ADTRP: variants seen among roughly 807,000 people sequenced by gnomAD.
The protein encoded by ADTRP is androgen dependent TFPI regulating protein.
Under a neutral mutation model 27.0 loss-of-function variants are expected in ADTRP, and 20 were observed. That is an observed-to-expected ratio of 0.74 (90% CI 0.52 to 1.08). The LOEUF (loss-of-function observed/expected upper bound fraction) is 1.08, where lower values mean the gene tolerates loss of function less well. Ranked by LOEUF, ADTRP falls within the 50% of genes least tolerant of loss-of-function variation. ADTRP has a pLI of 0.00. For missense variants in ADTRP, 251 were observed against 275.0 expected, an observed-to-expected ratio of 0.91 and a Z score of 0.62; for synonymous variants, 101 against 105.2, an observed-to-expected ratio of 0.96 and a Z score of 0.25.
chr6:11,741,265 G>T (rs1263013138), intron 3 of ADTRP, among the ~76,000 whole-genome samples: 3 of 152,208 alleles, frequency 2.0e-5, no homozygotes, highest in Non-Finnish European at 4.4e-5. Context: ...TGAATAAATG[G>T]ATGCACAGGT....
chr6:11,717,523 A>G, intron 5 of ADTRP: 1 of 1,145,470 alleles, frequency 8.7e-7, no homozygotes, highest in Non-Finnish European at 1.1e-6. Context: ...AAATAAAAAC[A>G]TAGTATTCTC....
At position 11,715,648 on chromosome 6, in the gene ADTRP, CTTTTTTTT is replaced by C. The variant is rs55815652; in HGVS notation, c.659-1144_659-1137del. On this transcript the variant is annotated intron_variant, in intron 5 of 5. Transcript: ENST00000414691. ...CTACTTCTTTCTCTTCTGTTTTTCCCTTTTTTTTTTTTTTTTTTTTTTGAGACAAGGTC... is the reference window on the plus strand; with the variant it reads ...CTACTTCTTTCTCTTCTGTTTTTCCCTTTTTTTTTTTTTTGAGACAAGGTC... 9.5e-4 allele frequency among the ~76,000 whole-genome samples: 115 copies of C among 121,138 alleles called. No homozygotes were observed. In the East Asian group the frequency reaches 0.015, roughly 16 times the overall value. The allele number at this position is 121,138 out of a possible 152,430, so 79.5% of individuals were successfully genotyped here.
At position 11,768,403 on chromosome 6, in the gene ADTRP, T is replaced by A. The variant is rs1270459966; in HGVS notation, c.154-20A>T. The A allele has an allele frequency of 6.2e-7, 1 of 1,613,266 alleles. No homozygotes were observed. Among genetic ancestry groups the A allele is most frequent in the East Asian group, 2.2e-5 (1 of 44,862 alleles). ...CAAGAGCTAAATCCATTACAACAAA[T>A]GAGGGCATTTTCATTTACTTTAATT... On this transcript the variant is annotated intron_variant, in intron 1 of 5. Coordinates refer to ENST00000414691, the MANE Select transcript of ADTRP (RefSeq NM_032744.4).
intron 3 of ADTRP, among the ~76,000 whole-genome samples, chr6:11,739,964 A>C (rs1762667673): frequency 6.6e-6 from 1 of 152,192 alleles, no homozygotes; most frequent in Non-Finnish European, 1.5e-5. Flanking sequence ...CATATTGCAA[A>C]ATCAGATGAT....
At chr6:11,765,319 G>GTT (rs770169717) in intron 3 of ADTRP, among the ~76,000 whole-genome samples, 30,866 of 109,238 alleles carry the variant, frequency 0.28, 4,892 homozygotes, top group Non-Finnish European at 0.33. Flanking sequence ...CTTTCCCCTG[G>GTT]TTTGTTTTTT....
intron 3 of ADTRP, among the ~76,000 whole-genome samples, chr6:11,760,752 T>G (rs530386508): frequency 2.6e-5 from 4 of 152,226 alleles, no homozygotes; most frequent in Non-Finnish European, 5.9e-5. Context: ...AAAACTCACG[T>G]GCCTAAATGG....
intron 1 of ADTRP, among the ~76,000 whole-genome samples, chr6:11,775,980 C>T (rs1183512241): frequency 1.3e-5 from 2 of 152,150 alleles, no homozygotes; most frequent in African/African-American, 2.4e-5. Flanking sequence ...ACTTAATAAA[C>T]ACAACCACCA....
At chr6:11,741,892 G>C (rs1423829091) in intron 3 of ADTRP, among the ~76,000 whole-genome samples, 2 of 151,940 alleles carry the variant, frequency 1.3e-5, no homozygotes, top group African/African-American at 4.8e-5. Flanking sequence ...TGTCAGTGCT[G>C]ACTCACTCCT....
intron 3 of ADTRP, among the ~76,000 whole-genome samples, chr6:11,752,656 C>T (rs1416050797): frequency 6.6e-6 from 1 of 152,166 alleles, no homozygotes; most frequent in East Asian, 1.9e-4. Context: ...GTGTGTGATT[C>T]CTAGGTGCTT....
Position 11,778,688 on chromosome 6 carries a change from G to A in ADTRP, c.72C>T (p.Ile24=). 1.2e-6 allele frequency: 2 copies of A among 1,614,186 alleles called. No individual in the cohort carries two copies. Among genetic ancestry groups the A allele is most frequent in the East Asian group, 4.5e-5 (2 of 44,886 alleles). ...TCACCTCGTCTTTTCCTTCCTGTGA[G>A]ATGTAATAATTGAGGAAAGTATACC... ...LSWYTFLNYY[I]SQEGKDEVKP... is the part of the protein sequence containing the mutation. Residue 24 remains isoleucine (I), a synonymous_variant, in exon 1 of 6, where the codon ATC becomes ATT. Transcript: ENST00000414691.
intron 4 of ADTRP, among the ~76,000 whole-genome samples, chr6:11,726,421 A>AATGGAT (rs1177716887): frequency 6.6e-6 from 1 of 151,912 alleles, no homozygotes; most frequent in African/African-American, 2.4e-5. Context: ...AAGCTCTAGA[A>AATGGAT]ATGGATTTTT....
chr6:11,718,844 T>A (rs1761918457), intron 5 of ADTRP, among the ~76,000 whole-genome samples: 1 of 152,312 alleles, frequency 6.6e-6, no homozygotes, highest in South Asian at 2.1e-4. Context: ...TGAGCCTCAG[T>A]GCATTCTTGA....
chr6:11,770,067 A>G (rs748511791), intron 1 of ADTRP: 1 of 1,551,626 alleles, frequency 6.4e-7, no homozygotes, highest in South Asian at 1.2e-5. Context: ...TGTCAAACCC[A>G]GCAGTCCTGT....
chr6:11,726,451 A>G (rs778130338), intron 4 of ADTRP, among the ~76,000 whole-genome samples: 1 of 152,086 alleles, frequency 6.6e-6, no homozygotes, highest in Non-Finnish European at 1.5e-5. Flanking sequence ...ATGGGTTGTT[A>G]TAAATCTAGG....
At chr6:11,770,227 C>T (rs1054216831) in intron 1 of ADTRP, 2 of 747,502 alleles carry the variant, frequency 2.7e-6, no homozygotes, top group African/African-American at 1.8e-5. Flanking sequence ...CTGGTTCCCA[C>T]CCCCAGAGAT....
chr6:11,741,713 A>T (rs1431954784), intron 3 of ADTRP, among the ~76,000 whole-genome samples: 2 of 129,134 alleles, frequency 1.5e-5, no homozygotes, highest in Non-Finnish European at 3.2e-5. Context: ...TAAGGATAAG[A>T]TTTTTTTTAA....
At chr6:11,770,122 T>A in intron 1 of ADTRP, 1 of 1,540,446 alleles carries the variant, frequency 6.5e-7, no homozygotes, top group South Asian at 1.2e-5. Flanking sequence ...ATCAGGTTTC[T>A]GAGCGTAGTT....
intron 4 of ADTRP, among the ~76,000 whole-genome samples, chr6:11,730,969 AG>A (rs1219539551): frequency 6.6e-6 from 1 of 152,256 alleles, no homozygotes; most frequent in Non-Finnish European, 1.5e-5. Flanking sequence ...TGTTGGCATC[AG>A]CAGTGGGCAT....
intron 4 of ADTRP, among the ~76,000 whole-genome samples, chr6:11,725,983 G>A (rs1444429197): frequency 6.6e-6 from 1 of 150,952 alleles, no homozygotes; most frequent in Non-Finnish European, 1.5e-5. Flanking sequence ...ATTCACAATA[G>A]CCTGAAGGTG....
Sources: gnomAD v4.1 joint callset for allele counts (sites outside exome capture counted in the v4.1 genomes callset) on GRCh38, gnomAD v4.1.1 for gene constraint, MANE v1.5 for transcripts, NCBI Gene and HGNC (gene_info 2026-07-23, HGNC 2026-07-21) for gene names.